Variants in ADAM23 observed in about 807,000 individuals in gnomAD.
ADAM23 encodes disintegrin and metalloproteinase domain-containing protein 23.
Under a neutral mutation model 120.1 loss-of-function variants are expected in ADAM23, and 33 were observed. The observed-to-expected ratio is 0.27, with a 90% CI of 0.21 to 0.37. The LOEUF is 0.37. ADAM23 is among the 10% of genes least tolerant of loss of function. The pLI is 1.00. For missense variants in ADAM23, 862 were observed against 1,058.2 expected, an observed-to-expected ratio of 0.81 and a Z score of 2.57; for synonymous variants, 367 against 375.2, an observed-to-expected ratio of 0.98 and a Z score of 0.25.
At chr2:206,526,136 A>G (rs927553203) in intron 3 of ADAM23, among the ~76,000 whole-genome samples, 2 of 115,614 alleles carry the variant, frequency 1.7e-5, no homozygotes, top group African/African-American at 6.6e-5. Context: ...AAGGATTCCA[A>G]CAAATACACA....
chr2:206,581,558 G>A (rs1698218869), intron 18 of ADAM23, among the ~76,000 whole-genome samples: 1 of 152,100 alleles, frequency 6.6e-6, no homozygotes, highest in South Asian at 2.1e-4. Flanking sequence ...TCAATTTCCA[G>A]TTTTATTCCA....
chr2:206,538,017 G>T (rs1442284972), intron 4 of ADAM23, among the ~76,000 whole-genome samples: 1 of 152,060 alleles, frequency 6.6e-6, no homozygotes, highest in South Asian at 2.1e-4. Context: ...AGGAGCACGG[G>T]GTTAAAAAAT....
At chr2:206,483,965 A>G (rs1258662403) in intron 3 of ADAM23, among the ~76,000 whole-genome samples, 1 of 152,194 alleles carries the variant, frequency 6.6e-6, no homozygotes, top group Non-Finnish European at 1.5e-5. Context: ...ATGACAGAGC[A>G]AGTTGGCAGA....
At chr2:206,454,111 C>G (rs558432953) in intron 2 of ADAM23, among the ~76,000 whole-genome samples, 15 of 152,296 alleles carry the variant, frequency 9.8e-5, no homozygotes, top group Non-Finnish European at 1.8e-4. Flanking sequence ...TTAGTCCATT[C>G]TCACACTGCT....
intron 2 of ADAM23, among the ~76,000 whole-genome samples, chr2:206,473,642 A>G (rs539148504): frequency 1.3e-5 from 2 of 151,510 alleles, no homozygotes; most frequent in Non-Finnish European, 2.9e-5. Flanking sequence ...TTTAATTGAC[A>G]TATTATATTT....
chr2:206,498,888 A>G (rs1286756916), intron 3 of ADAM23, among the ~76,000 whole-genome samples: 1 of 152,210 alleles, frequency 6.6e-6, no homozygotes, highest in Admixed American at 6.5e-5. Flanking sequence ...CCAAAAAAAC[A>G]TGAAAAATGC....
chr2:206,551,651 T>C (rs930977901), intron 9 of ADAM23, among the ~76,000 whole-genome samples: 3 of 152,172 alleles, frequency 2.0e-5, no homozygotes, highest in Non-Finnish European at 2.9e-5. Context: ...GCTAAAATGA[T>C]GTGAAATTCT....
intron 14 of ADAM23, among the ~76,000 whole-genome samples, chr2:206,566,660 T>A (rs1697889262): frequency 6.6e-6 from 1 of 152,220 alleles, no homozygotes. Flanking sequence ...CTATTGTCAC[T>A]GTGCATATAC....
intron 2 of ADAM23, among the ~76,000 whole-genome samples, chr2:206,466,605 A>T (rs1695546488): frequency 1.3e-5 from 2 of 152,214 alleles, no homozygotes; most frequent in South Asian, 4.1e-4. Context: ...TCTCTCATTT[A>T]CTCACTTGTC....
chr2:206,593,153 A>C (rs894041016), intron 22 of ADAM23, among the ~76,000 whole-genome samples: 3 of 152,188 alleles, frequency 2.0e-5, no homozygotes, highest in Non-Finnish European at 4.4e-5. Context: ...ATGGCTTAAC[A>C]AATACCTAAT....
intron 24 of ADAM23, among the ~76,000 whole-genome samples, chr2:206,604,704 T>G (rs928759149): frequency 6.6e-6 from 1 of 152,190 alleles, no homozygotes; most frequent in African/African-American, 2.4e-5. Context: ...TCTCTTCCTC[T>G]GGGAAAATAT....
intron 3 of ADAM23, among the ~76,000 whole-genome samples, chr2:206,504,579 G>C (rs1696457277): frequency 6.6e-6 from 1 of 152,158 alleles, no homozygotes; most frequent in Non-Finnish European, 1.5e-5. Flanking sequence ...AGAGTATCAT[G>C]AATCTGAAAT....
At chr2:206,606,257 T>C (rs1698726873) in intron 24 of ADAM23, among the ~76,000 whole-genome samples, 1 of 152,332 alleles carries the variant, frequency 6.6e-6, no homozygotes, top group African/African-American at 2.4e-5. Flanking sequence ...ATAAAGTTAA[T>C]CTGTGCCAGT....
intron 2 of ADAM23, among the ~76,000 whole-genome samples, chr2:206,456,022 T>G (rs1417286764): frequency 6.6e-6 from 1 of 152,238 alleles, no homozygotes; most frequent in Non-Finnish European, 1.5e-5. Context: ...TCCGGTTTCT[T>G]TATAACAATG....
intron 17 of ADAM23, 83 bp downstream of exon 17, chr2:206,571,899 C>A: frequency 1.6e-6 from 2 of 1,239,966 alleles, no homozygotes; most frequent in Non-Finnish European, 2.3e-6. Context: ...ATTTGTGTAG[C>A]TTGTCACAAA....
intron 24 of ADAM23, among the ~76,000 whole-genome samples, chr2:206,607,738 C>T (rs866684914): frequency 2.6e-5 from 4 of 152,056 alleles, no homozygotes; most frequent in Non-Finnish European, 4.4e-5. Context: ...TGATTTTTTT[C>T]CCCATCAAAT....
intron 21 of ADAM23, among the ~76,000 whole-genome samples, chr2:206,591,095 G>A (rs1698417430): frequency 1.3e-5 from 2 of 152,180 alleles, no homozygotes; most frequent in African/African-American, 4.8e-5. Flanking sequence ...ACTTAGGGAG[G>A]CTGAGGCGAG....
intron 12 of ADAM23, 120 bp downstream of exon 12, chr2:206,561,332 C>G: frequency 2.4e-6 from 2 of 820,166 alleles, no homozygotes. Flanking sequence ...GCATGAGTGG[C>G]TTATGTTATT....
At chr2:206,598,552 T>A (rs1178690322) in intron 24 of ADAM23, among the ~76,000 whole-genome samples, 2 of 152,172 alleles carry the variant, frequency 1.3e-5, no homozygotes, top group African/African-American at 4.8e-5. Flanking sequence ...TACATACTTA[T>A]TGTAGAAAAA....
Sources: gnomAD v4.1 joint callset for allele counts (sites outside exome capture counted in the v4.1 genomes callset) on GRCh38, gnomAD v4.1.1 for gene constraint, MANE v1.5 for transcripts, NCBI Gene and HGNC (gene_info 2026-07-23, HGNC 2026-07-21) for gene names.